Variants in SLC25A33 observed in about 807,000 individuals in gnomAD.
The protein encoded by SLC25A33 is solute carrier family 25 member 33.
A neutral mutation model predicts 35.5 loss-of-function variants in SLC25A33; 15 were observed. That is an observed-to-expected ratio of 0.42 (90% CI 0.28 to 0.65). The LOEUF is 0.65. Ranked by LOEUF, SLC25A33 falls within the 30% of genes least tolerant of loss-of-function variation. SLC25A33 has a pLI of 0.20. For synonymous variants in SLC25A33, 136 were observed against 148.7 expected (o/e 0.91, Z 0.62); for missense variants, 257 against 398.5 (o/e 0.64, Z 3.02).
At chr1:9,573,282 T>C in intron 4 of SLC25A33, 64 bp from the exon 5 acceptor site, 1 of 1,182,122 alleles carries the variant, frequency 8.5e-7, no homozygotes, top group Non-Finnish European at 1.2e-6. Flanking sequence ...TATATGATAA[T>C]AGACATCTTT....
intron 5 of SLC25A33, 59 bp downstream of exon 5, chr1:9,573,471 C>T: frequency 2.2e-6 from 3 of 1,354,488 alleles, no homozygotes; most frequent in Non-Finnish European, 1.0e-6. Flanking sequence ...TTTTTCTTGC[C>T]CCAATTCCTC....
chr1:9,544,195 A>G (rs1557522729), intron 1 of SLC25A33, among the ~76,000 whole-genome samples: 1 of 152,102 alleles, frequency 6.6e-6, no homozygotes, highest in Admixed American at 6.6e-5. Flanking sequence ...CCCACCTAGT[A>G]TGGGCAGCTG....
In SLC25A33 at chr1:9,578,511, GTTTTA is replaced by G. The variant is rs2100413349; in HGVS notation, c.483-1438_483-1434del. 6.6e-6 allele frequency among the ~76,000 whole-genome samples: 1 copy of G among 152,276 alleles called. No individual in the cohort carries two copies. The highest frequency in any genetic ancestry group is 1.9e-4 in the East Asian group (1 of 5,192). On this transcript the variant is annotated intron_variant, in intron 5 of 6. Coordinates refer to ENST00000302692, the MANE Select transcript of SLC25A33 (RefSeq NM_032315.3). The surrounding 1 kb of genome is among the most constrained non-coding windows in gnomAD (Gnocchi z 4.3). ...CTAAACCTCATGGTTTTCATTTGCT[GTTTTA>G]TTTTGATGTTTTATGATTTTATAAA... is the stretch of plus-strand genomic sequence containing the variant.
At chr1:9,560,760 C>CT (rs57353837) in intron 2 of SLC25A33, among the ~76,000 whole-genome samples, 35,823 of 146,290 alleles carry the variant, frequency 0.24, 5,074 homozygotes, top group African/African-American at 0.41. Flanking sequence ...TCGAACCTAT[C>CT]TTTTTTTTTT....
rs1643341150 is a variant in SLC25A33, at chr1:9,556,333, G to A, written c.236+2528G>A. 4.9e-6 allele frequency: 4 copies of A among 815,024 alleles called. No individual in the cohort carries two copies. In the South Asian group the frequency reaches 2.2e-4, roughly 46 times the overall value. The allele number at this position is 815,024 out of a possible 1,614,324, so 50.5% of individuals were successfully genotyped here. ...CATGACTAGTGAATTTGGATTTACT[G>A]TAACTGGGGAACTGTTACCCAAAAG... is the stretch of plus-strand genomic sequence containing the variant. On this transcript the variant is annotated intron_variant, in intron 2 of 6. Coordinates refer to ENST00000302692, the MANE Select transcript of SLC25A33 (RefSeq NM_032315.3).
intron 1 of SLC25A33, among the ~76,000 whole-genome samples, chr1:9,540,145 G>A (rs59618231): frequency 0.095 from 14,419 of 152,164 alleles, 1,332 homozygotes; most frequent in East Asian, 0.52. Flanking sequence ...CAGAGCCCGT[G>A]GTAGGATCGC....
chr1:9,557,051 A>G (rs983073406), intron 2 of SLC25A33, among the ~76,000 whole-genome samples: 1 of 152,156 alleles, frequency 6.6e-6, no homozygotes, highest in African/African-American at 2.4e-5. Flanking sequence ...CTCCTTCCTC[A>G]GCCTCCCAAG....
intron 2 of SLC25A33, among the ~76,000 whole-genome samples, chr1:9,562,217 G>C (rs1282545088): frequency 2.6e-5 from 4 of 151,406 alleles, no homozygotes; most frequent in Admixed American, 2.6e-4. Flanking sequence ...GTATGGTGGT[G>C]TACACCTGTA....
chr1:9,551,232 A>C (rs1225199889), intron 1 of SLC25A33, among the ~76,000 whole-genome samples: 1 of 151,950 alleles, frequency 6.6e-6, no homozygotes, highest in Non-Finnish European at 1.5e-5. Flanking sequence ...AAAATACAAA[A>C]AAATACAGCT....
Position 9,540,818 on chromosome 1 carries a change from G to C in SLC25A33, c.56+1071G>C, listed in dbSNP as rs541495636. On this transcript the variant is annotated intron_variant, in intron 1 of 6. Transcript: ENST00000302692. The stretch of plus-strand genomic sequence containing the variant: ...GAGAAACTTATCTTGGAAGATGACT[G>C]ATGAAAGCGTCCCTGAGCTTTTTTT... 1.6e-4 allele frequency among the ~76,000 whole-genome samples: 25 copies of C among 152,292 alleles called. No individual in the cohort carries two copies. The East Asian group carries it at 4.8e-3, about 29-fold the overall frequency.
Position 9,539,513 on chromosome 1 carries a change from C to T in SLC25A33, c.-179C>T. On this transcript the variant is annotated 5_prime_UTR_variant, in exon 1 of 7. Coordinates refer to ENST00000302692, the MANE Select transcript of SLC25A33 (RefSeq NM_032315.3). ...CAGAGGCCGGTGAGGCGCCGGCGGC[C>T]ACGCCGCGGAAGGCGCGGGCCGAGC... is the stretch of plus-strand genomic sequence containing the variant. 3.5e-6 allele frequency: 1 copy of T among 283,046 alleles called. No homozygotes were observed. Among genetic ancestry groups the T allele is most frequent in the Non-Finnish European group, 6.0e-6 (1 of 166,808 alleles). The allele number at this position is 283,046 out of a possible 1,614,324, so 17.5% of individuals were successfully genotyped here. A position where few individuals can be genotyped will look rare whatever the true frequency, so the allele number is the denominator to read the frequency against.
intron 2 of SLC25A33, among the ~76,000 whole-genome samples, chr1:9,558,583 T>C (rs1193265142): frequency 6.6e-6 from 1 of 152,236 alleles, no homozygotes; most frequent in Non-Finnish European, 1.5e-5. Flanking sequence ...GAGTCTTCCC[T>C]GTCTCTGTTA....
chr1:9,569,982 A>G (rs1643565934), intron 3 of SLC25A33, among the ~76,000 whole-genome samples: 1 of 152,238 alleles, frequency 6.6e-6, no homozygotes. Context: ...AGAACGAAGA[A>G]TGTAAAAGGA....
intron 2 of SLC25A33, among the ~76,000 whole-genome samples, chr1:9,555,090 TA>T (rs2100382333): frequency 6.6e-6 from 1 of 150,606 alleles, no homozygotes; most frequent in East Asian, 2.0e-4. Context: ...TGCTCTGTTT[TA>T]AAAACAACGC....
intron 1 of SLC25A33, among the ~76,000 whole-genome samples, chr1:9,549,769 C>T (rs553268718): frequency 4.6e-5 from 7 of 150,632 alleles, no homozygotes; most frequent in African/African-American, 1.7e-4. Flanking sequence ...TACAGGCACC[C>T]GCCACCACAC....
chr1:9,556,180 A>G, intron 2 of SLC25A33: 1 of 985,402 alleles, frequency 1.0e-6, no homozygotes, highest in Non-Finnish European at 1.2e-6. Context: ...TCACATGCTT[A>G]GGCGGTGCCA....
At chr1:9,571,064 G>T (rs138606552) in intron 4 of SLC25A33, among the ~76,000 whole-genome samples, 2 of 151,954 alleles carry the variant, frequency 1.3e-5, no homozygotes, top group East Asian at 1.9e-4. Context: ...TTCCCCACAG[G>T]GTCCCACACA....
intron 2 of SLC25A33, among the ~76,000 whole-genome samples, chr1:9,561,231 C>T (rs181826584): frequency 8.5e-4 from 129 of 152,296 alleles, no homozygotes; most frequent in Admixed American, 1.7e-3. Flanking sequence ...GCGTGAGCCA[C>T]CGCGCGCAGC....
At chr1:9,573,669 G>A (rs1045795428) in intron 5 of SLC25A33, among the ~76,000 whole-genome samples, 6 of 152,150 alleles carry the variant, frequency 3.9e-5, no homozygotes, top group African/African-American at 1.2e-4. Flanking sequence ...AGTCCCACCT[G>A]TTGTCTCAGA....
Sources: gnomAD v4.1 joint callset for allele counts (sites outside exome capture counted in the v4.1 genomes callset) on GRCh38, gnomAD v4.1.1 for gene constraint, Gnocchi (gnomAD v3.1) non-coding constraint, MANE v1.5 for transcripts, NCBI Gene and HGNC (gene_info 2026-07-23, HGNC 2026-07-21) for gene names.